COL4A5: variants seen among roughly 807,000 people sequenced by gnomAD.
The protein encoded by COL4A5 is collagen alpha-5(IV) chain.
Under a neutral mutation model 130.2 loss-of-function variants are expected in COL4A5, and 26 were observed. The ratio of observed to expected loss-of-function variants is 0.20; its 90% CI spans 0.15 to 0.28. COL4A5 has a LOEUF of 0.28. Among genes scored for constraint, COL4A5 ranks in the 10% least tolerant of loss-of-function variants. The pLI, the probability that COL4A5 is intolerant of heterozygous loss-of-function variation, is 1.00. For missense variants in COL4A5, 1,131 were observed against 1,344.3 expected, an observed-to-expected ratio of 0.84 and a Z score of 2.48; for synonymous variants, 496 against 439.6, an observed-to-expected ratio of 1.13 and a Z score of -1.60.
intron 49 of COL4A5, among the ~76,000 whole-genome samples, chrX:108,688,983 G>A (rs1344992132): frequency 2.7e-5 from 3 of 111,729 alleles, no homozygotes; most frequent in Non-Finnish European, 5.6e-5. Flanking sequence ...TCACTTACAT[G>A]TAAGTCAGTG....
chrX:108,530,402 A>G (rs1364061221), intron 1 of COL4A5, among the ~76,000 whole-genome samples: 1 of 109,633 alleles, frequency 9.1e-6, no homozygotes, highest in Non-Finnish European at 1.9e-5. Flanking sequence ...AGAAACTACC[A>G]TCAGAGTGAA....
At chrX:108,518,023 T>G (rs2065235979) in intron 1 of COL4A5, among the ~76,000 whole-genome samples, 1 of 111,197 alleles carries the variant, frequency 9.0e-6, no homozygotes, top group Non-Finnish European at 1.9e-5. Flanking sequence ...CAACACTATA[T>G]AAAATAAAGT....
intron 47 of COL4A5, among the ~76,000 whole-genome samples, chrX:108,684,071 A>T (rs917126283): frequency 8.9e-6 from 1 of 111,767 alleles, no homozygotes; most frequent in Non-Finnish European, 1.9e-5. Context: ...ACCAATGAGA[A>T]CAAAGACACA....
At chrX:108,539,011 G>A (rs182037030) in intron 1 of COL4A5, among the ~76,000 whole-genome samples, 1 of 111,374 alleles carries the variant, frequency 9.0e-6, no homozygotes, top group South Asian at 3.8e-4. Flanking sequence ...GAAGGAGTAG[G>A]AGCAAAGAAA....
chrX:108,559,200 C>T lies in COL4A5; in HGVS notation c.231+47C>T, dbSNP rs376954034. On this transcript the variant is annotated intron_variant, in intron 3 of 52. Coordinates refer to ENST00000328300, the MANE Select transcript of COL4A5 (RefSeq NM_033380.3). ...AGTAATGCCAGATGAATTAAGTCAT[C>T]TTAAATGTGGGACTAGGTGTCACAT... is the stretch of plus-strand genomic sequence containing the variant. The T allele has an allele frequency of 2.2e-5, 22 of 993,872 alleles. No homozygotes were observed. The African/African-American group carries it at 3.6e-4, about 16-fold the overall frequency. 81.9% of individuals were successfully genotyped at this position (993,872 alleles called of 1,213,427 possible). A position where few individuals can be genotyped will look rare whatever the true frequency, so the allele number is the denominator to read the frequency against.
intron 2 of COL4A5, among the ~76,000 whole-genome samples, chrX:108,552,368 A>G (rs1260405529): frequency 8.9e-6 from 1 of 111,883 alleles, no homozygotes; most frequent in Non-Finnish European, 1.9e-5. Flanking sequence ...TGGATCCACC[A>G]AAGTTTGTTT....
At chrX:108,647,172 A>T (rs1330039491) in intron 36 of COL4A5, among the ~76,000 whole-genome samples, 15 of 110,885 alleles carry the variant, frequency 1.4e-4, no homozygotes, top group African/African-American at 4.3e-4. Context: ...TACCTTGGGC[A>T]GTATGGCCAT....
intron 16 of COL4A5, among the ~76,000 whole-genome samples, chrX:108,581,873 T>G (rs779085505): frequency 4.5e-5 from 5 of 110,079 alleles, no homozygotes; most frequent in Admixed American, 2.9e-4. Context: ...TCCCATACAG[T>G]TTTTTTGTGT....
At chrX:108,471,339 T>C (rs1481194132) in intron 1 of COL4A5, among the ~76,000 whole-genome samples, 1 of 111,970 alleles carries the variant, frequency 8.9e-6, no homozygotes, top group Non-Finnish European at 1.9e-5. Flanking sequence ...TGTTTTGTAG[T>C]TCTTCTTGTA....
chrX:108,531,477 G>A (rs2065385498), intron 1 of COL4A5, among the ~76,000 whole-genome samples: 1 of 109,683 alleles, frequency 9.1e-6, no homozygotes, highest in African/African-American at 3.3e-5. Flanking sequence ...GAAGTTTATA[G>A]CAATAAATGC....
chrX:108,695,083 C>T, intron 51 of COL4A5, 162 bp downstream of exon 51: 2 of 673,265 alleles, frequency 3.0e-6, no homozygotes, highest in Non-Finnish European at 4.7e-6. Flanking sequence ...TTTTTTGTAA[C>T]ATATTTTCAT....
intron 25 of COL4A5, 99 bp from the exon 26 acceptor site, chrX:108,601,294 A>G (rs1415761350): frequency 1.8e-6 from 1 of 558,436 alleles, no homozygotes; most frequent in African/African-American, 2.3e-5. Context: ...TTACATTTTC[A>G]AAAGATTGCT....
intron 37 of COL4A5, among the ~76,000 whole-genome samples, chrX:108,658,529 T>A (rs1181589687): frequency 9.0e-6 from 1 of 111,342 alleles, no homozygotes; most frequent in Non-Finnish European, 1.9e-5. Context: ...AGTTAAGGAA[T>A]CTGGATCTGT....
chrX:108,551,213 C>T (rs1398500540), intron 2 of COL4A5, among the ~76,000 whole-genome samples: 3 of 111,627 alleles, frequency 2.7e-5, no homozygotes, highest in Admixed American at 9.6e-5. Context: ...CAGCAGCCTA[C>T]AGAATGTGCA....
chrX:108,644,644 A>AT (rs2067536806), intron 36 of COL4A5, among the ~76,000 whole-genome samples: 1 of 111,942 alleles, frequency 8.9e-6, no homozygotes, highest in Non-Finnish European at 1.9e-5. Context: ...TCACGCCTGT[A>AT]ATCCCAGCAC....
At chrX:108,642,495 G>T (rs1313999832) in intron 36 of COL4A5, among the ~76,000 whole-genome samples, 1 of 110,729 alleles carries the variant, frequency 9.0e-6, no homozygotes, top group Non-Finnish European at 1.9e-5. Context: ...TTCACCCCCT[G>T]CCACCTCCAC....
Position 108,687,558 on chromosome X carries a change from T to C in COL4A5, c.4392T>C (p.Val1464=). The C allele has an allele frequency of 8.3e-7, 1 of 1,211,630 alleles. No individual in the cohort carries two copies. The highest frequency in any genetic ancestry group is 1.7e-5 in the African/African-American group (1 of 57,751). ...CAGGTCCCCCTGGAACCTCCTCTGT[T>C]GCACATGGATTTCTTATTACACGCC... is the stretch of plus-strand genomic sequence containing the variant. ...GPPGPPGTSS[V]AHGFLITRHS... Residue 1464 remains valine (V), a synonymous_variant, in exon 49 of 53, where the codon GTT becomes GTC. Transcript: ENST00000328300.
intron 10 of COL4A5, among the ~76,000 whole-genome samples, chrX:108,576,615 T>C (rs1401081020): frequency 8.9e-6 from 1 of 112,505 alleles, no homozygotes; most frequent in African/African-American, 3.2e-5. Context: ...GCTGTTGCCC[T>C]CTTAAAAGGG....
At chrX:108,500,352 G>A (rs992840564) in intron 1 of COL4A5, among the ~76,000 whole-genome samples, 1 of 111,679 alleles carries the variant, frequency 9.0e-6, no homozygotes, top group African/African-American at 3.3e-5. Flanking sequence ...CGAGGTCCAG[G>A]TTTTATTTTT....
Sources: allele counts gnomAD v4.1 joint callset (sites outside exome capture counted in the v4.1 genomes callset), GRCh38; gene constraint gnomAD v4.1.1; transcripts MANE v1.5; gene names NCBI Gene and HGNC (gene_info 2026-07-23, HGNC 2026-07-21).